The following RNF111 variants were observed in gnomAD, a reference collection of about 807,000 sequenced individuals.
RNF111 encodes ring finger protein 111, also known as E3 ubiquitin-protein ligase Arkadia.
A neutral mutation model predicts 95.1 loss-of-function variants in RNF111; 17 were observed. That is an observed-to-expected ratio of 0.18 (90% confidence interval 0.12 to 0.27). RNF111 has a LOEUF of 0.27. Ranked by LOEUF, RNF111 falls within the 10% of genes least tolerant of loss-of-function variation. The pLI is 1.00. For missense variants in RNF111, 1,189 were observed against 1,210.4 expected (o/e 0.98, Z 0.26); for synonymous variants, 440 against 414.8 (o/e 1.06, Z -0.74).
chr15:59,063,269 A>C (rs1321433781), intron 5 of RNF111, among the ~76,000 whole-genome samples: 4 of 152,172 alleles, frequency 2.6e-5, no homozygotes, highest in Non-Finnish European at 4.4e-5. Context: ...ACCATACCGT[A>C]AGTTATGTTA....
At position 58,995,764 on chromosome 15, in the gene RNF111, C is replaced by CTTTTTTT. The variant is rs34209382; in HGVS notation, c.-20+7714_-20+7720dup. On this transcript the variant is annotated intron_variant, in intron 1 of 13. Coordinates refer to ENST00000348370, the MANE Select transcript of RNF111 (RefSeq NM_017610.8). ...CAGGCATGAGATGCCGTGCCCCGGCCTTTTTTTTTTTTTTTTTTTTTTTTA... is the reference window on the plus strand; with the variant it reads ...CAGGCATGAGATGCCGTGCCCCGGCCTTTTTTTTTTTTTTTTTTTTTTTTTTTTTTTA... Among the ~76,000 whole-genome samples the CTTTTTTT allele has an allele frequency of 6.0e-5, 6 of 99,528 alleles. No homozygotes were observed. The East Asian group carries it at 1.5e-3, about 25-fold the overall frequency. The allele number at this position is 99,528 out of a possible 152,430, so 65.3% of individuals were successfully genotyped here.
At chr15:59,073,143 A>G (rs2043014082) in intron 6 of RNF111, among the ~76,000 whole-genome samples, 1 of 152,100 alleles carries the variant, frequency 6.6e-6, no homozygotes, top group South Asian at 2.1e-4. Flanking sequence ...ACTGCACTCC[A>G]CTGTAGGCAA....
At chr15:59,018,169 G>A (rs143808671) in intron 1 of RNF111, among the ~76,000 whole-genome samples, 314 of 152,090 alleles carry the variant, frequency 2.1e-3, no homozygotes, top group African/African-American at 7.1e-3. Flanking sequence ...TATCATTTTC[G>A]AGCATTAAAA....
At chr15:59,000,851 A>G (rs2039295732) in intron 1 of RNF111, among the ~76,000 whole-genome samples, 1 of 152,194 alleles carries the variant, frequency 6.6e-6, no homozygotes, top group Admixed American at 6.5e-5. Context: ...GCAAATGCCT[A>G]TTGAATGCCA....
chr15:59,059,632 C>A (rs140795840), intron 5 of RNF111, among the ~76,000 whole-genome samples: 1 of 152,226 alleles, frequency 6.6e-6, no homozygotes, highest in South Asian at 2.1e-4. Flanking sequence ...GTTGCCTAAT[C>A]CAGGGTCACA....
chr15:59,052,834 A>T (rs995872564), intron 3 of RNF111, among the ~76,000 whole-genome samples: 1 of 152,144 alleles, frequency 6.6e-6, no homozygotes, highest in Non-Finnish European at 1.5e-5. Flanking sequence ...TAGTCTTTTT[A>T]AAAGCACCCC....
chr15:59,041,548 G>A (rs1212206646), intron 2 of RNF111, among the ~76,000 whole-genome samples: 2 of 151,988 alleles, frequency 1.3e-5, no homozygotes, highest in African/African-American at 4.8e-5. Context: ...GTGACAGAGT[G>A]GGACTCTGTC....
chr15:59,036,099 G>A (rs1192422973), intron 2 of RNF111, among the ~76,000 whole-genome samples: 1 of 152,034 alleles, frequency 6.6e-6, no homozygotes, highest in African/African-American at 2.4e-5. Context: ...TTTTGAGACA[G>A]TCTTACTCTG....
At chr15:59,090,252 T>G (rs1161375540) in intron 11 of RNF111, among the ~76,000 whole-genome samples, 1 of 152,172 alleles carries the variant, frequency 6.6e-6, no homozygotes, top group African/African-American at 2.4e-5. Context: ...TTTTTTTAGA[T>G]GGAGTCTTGC....
chr15:59,091,215 C>T, intron 12 of RNF111, 61 bp downstream of exon 12: 3 of 911,852 alleles, frequency 3.3e-6, no homozygotes, highest in South Asian at 3.3e-5. Context: ...GTAATATATA[C>T]CTTTTTTGAA....
In RNF111 at chr15:59,096,120, G is replaced by GTTAA. The variant is rs2079173076; in HGVS notation, c.*1221_*1224dup. 1 of 398,306 alleles carries GTTAA rather than the reference G, an allele frequency of 2.5e-6. No homozygotes were observed. The highest frequency in any genetic ancestry group is 2.1e-5 in the African/African-American group (1 of 48,586). The allele number at this position is 398,306 out of a possible 1,614,324, so 24.7% of individuals were successfully genotyped here. On this transcript the variant is annotated 3_prime_UTR_variant, in exon 14 of 14. Transcript: ENST00000348370. ...TGATTTAAAATTTTTAATTTCTATAGTTAAGATTTACTGCATAATATAGAA... is the reference window on the plus strand; with the variant it reads ...TGATTTAAAATTTTTAATTTCTATAGTTAATTAAGATTTACTGCATAATATAGAA...
intron 2 of RNF111, chr15:59,049,745 C>CTT (rs368049097): frequency 0.033 from 3,475 of 104,582 alleles, 195 homozygotes; most frequent in Middle Eastern, 0.075. Flanking sequence ...TTCTTTCTTT[C>CTT]TTTTTTTTTT....
At chr15:59,020,191 A>T (rs1470913975) in intron 1 of RNF111, among the ~76,000 whole-genome samples, 1 of 149,152 alleles carries the variant, frequency 6.7e-6, no homozygotes, top group Non-Finnish European at 1.5e-5. Flanking sequence ...TATACTATAT[A>T]TTTTGTAAGA....
intron 6 of RNF111, among the ~76,000 whole-genome samples, chr15:59,075,322 A>G (rs910439965): frequency 6.6e-6 from 1 of 152,254 alleles, no homozygotes; most frequent in Non-Finnish European, 1.5e-5. Flanking sequence ...ATATGCCTAT[A>G]AAAGGAAGCA....
chr15:58,998,888 A>G (rs1169027022), intron 1 of RNF111, among the ~76,000 whole-genome samples: 3 of 152,214 alleles, frequency 2.0e-5, no homozygotes, highest in Non-Finnish European at 2.9e-5. Context: ...TGGTGAAACA[A>G]TATTTTTCAG....
chr15:59,055,630 G>A (rs2042170966), intron 3 of RNF111, 52 bp from the exon 4 acceptor site: 3 of 1,341,798 alleles, frequency 2.2e-6, no homozygotes, highest in Non-Finnish European at 3.0e-6. Flanking sequence ...TTTTTGTGGT[G>A]ACTAAAAATT....
At chr15:59,058,683 T>C (rs2042304189) in intron 5 of RNF111, 133 bp downstream of exon 5, 4 of 768,378 alleles carry the variant, frequency 5.2e-6, no homozygotes, top group Non-Finnish European at 8.5e-6. Flanking sequence ...CTTCATATGT[T>C]ATCAAGGTAG....
chr15:59,064,441 CA>C (rs1188130780), intron 5 of RNF111, among the ~76,000 whole-genome samples: 10 of 145,226 alleles, frequency 6.9e-5, no homozygotes, highest in African/African-American at 2.6e-4. Context: ...GAGGCTGAGG[CA>C]GGAGAATGGC....
At chr15:59,062,854 A>C (rs1230540614) in intron 5 of RNF111, among the ~76,000 whole-genome samples, 1 of 152,158 alleles carries the variant, frequency 6.6e-6, no homozygotes, top group Non-Finnish European at 1.5e-5. Context: ...TGGGCCAGAT[A>C]GTTCTTACAG....
Sources: allele counts gnomAD v4.1 joint callset (sites outside exome capture counted in the v4.1 genomes callset), GRCh38; gene constraint gnomAD v4.1.1; transcripts MANE v1.5; gene names NCBI Gene and HGNC (gene_info 2026-07-23, HGNC 2026-07-21).